LIMCH1: variants seen among roughly 807,000 people sequenced by gnomAD.
The protein encoded by LIMCH1 is LIM and calponin homology domains-containing protein 1.
LIMCH1 carries 113 observed loss-of-function variants against 176.5 expected under a neutral mutation model. That is an observed-to-expected ratio of 0.64 (90% CI 0.55 to 0.75). The LOEUF (loss-of-function observed/expected upper bound fraction) is 0.75. Ranked by LOEUF, LIMCH1 falls within the 30% of genes least tolerant of loss-of-function variation. The pLI is 0.00. For synonymous variants in LIMCH1, 619 were observed against 645.9 expected, an observed-to-expected ratio of 0.96 and a Z score of 0.63; for missense variants, 1,674 against 1,814.9, an observed-to-expected ratio of 0.92 and a Z score of 1.41.
chr4:41,396,291 A>G (rs1230927577), intron 1 of LIMCH1, among the ~76,000 whole-genome samples: 1 of 152,252 alleles, frequency 6.6e-6, no homozygotes, highest in Non-Finnish European at 1.5e-5. Context: ...TCAAAAATAA[A>G]CAGATATAAC....
At chr4:41,672,355 G>A (rs773085426) in intron 22 of LIMCH1, among the ~76,000 whole-genome samples, 1 of 152,134 alleles carries the variant, frequency 6.6e-6, no homozygotes, top group Non-Finnish European at 1.5e-5. Flanking sequence ...GGGTGACAGA[G>A]CGAGACTCCA....
intron 13 of LIMCH1, among the ~76,000 whole-genome samples, chr4:41,638,114 G>A (rs28609344): frequency 7.7e-5 from 7 of 91,436 alleles, no homozygotes; most frequent in African/African-American, 2.8e-4. Context: ...TGTTGTTGTT[G>A]TTGTTGTTGT....
At chr4:41,385,475 A>C (rs1012525596) in intron 1 of LIMCH1, among the ~76,000 whole-genome samples, 4 of 152,146 alleles carry the variant, frequency 2.6e-5, no homozygotes, top group African/African-American at 7.2e-5. Context: ...TTAAAAATGT[A>C]ATTTTGTGCA....
intron 10 of LIMCH1, among the ~76,000 whole-genome samples, 198 bp from the exon 11 acceptor site, chr4:41,632,551 G>C (rs1046365371): frequency 2.0e-5 from 3 of 152,168 alleles, no homozygotes; most frequent in African/African-American, 7.2e-5. Context: ...ACACAGCCTT[G>C]TTTGACCTTC....
intron 1 of LIMCH1, among the ~76,000 whole-genome samples, chr4:41,393,903 TGGAAC>T (rs2057528202): frequency 1.3e-5 from 2 of 152,308 alleles, no homozygotes; most frequent in Non-Finnish European, 2.9e-5. Context: ...ATGTATAAAA[TGGAAC>T]CCTTTCAATT....
chr4:41,363,250 A>G (rs2052426015), intron 1 of LIMCH1, among the ~76,000 whole-genome samples: 1 of 152,232 alleles, frequency 6.6e-6, no homozygotes, highest in East Asian at 1.9e-4. Flanking sequence ...ATACAGCAAT[A>G]ATGTAGTACT....
chr4:41,686,244 G>A (rs1219434026), intron 28 of LIMCH1, among the ~76,000 whole-genome samples: 1 of 152,102 alleles, frequency 6.6e-6, no homozygotes, highest in Non-Finnish European at 1.5e-5. Context: ...TTGTAAGAAA[G>A]TATTTTTGAC....
At chr4:41,676,578 A>G (rs1386121133) in intron 23 of LIMCH1, 116 bp downstream of exon 23, 2 of 772,718 alleles carry the variant, frequency 2.6e-6, no homozygotes, top group African/African-American at 3.5e-5. Context: ...CTCGGAAGTT[A>G]GTGAGTCTCA....
At chr4:41,430,409 A>T (rs1409083343) in intron 1 of LIMCH1, among the ~76,000 whole-genome samples, 1 of 152,108 alleles carries the variant, frequency 6.6e-6, no homozygotes, top group Admixed American at 6.6e-5. Flanking sequence ...GACTACAGGC[A>T]CGTGCCACTA....
At chr4:41,488,265 G>A (rs1427439584) in intron 1 of LIMCH1, among the ~76,000 whole-genome samples, 1 of 152,192 alleles carries the variant, frequency 6.6e-6, no homozygotes, top group African/African-American at 2.4e-5. Context: ...TAGTATTATA[G>A]AGAGGCTTAG....
intron 18 of LIMCH1, among the ~76,000 whole-genome samples, chr4:41,656,794 G>A (rs2094475837): frequency 6.6e-6 from 1 of 152,164 alleles, no homozygotes; most frequent in African/African-American, 2.4e-5. Context: ...GCTCGGGAAA[G>A]GACGTTGGAC....
Position 41,502,182 on chromosome 4 carries a change from T to G in LIMCH1, c.167+7576T>G, listed in dbSNP as rs568378605. On this transcript the variant is annotated intron_variant, in intron 2 of 26. Coordinates refer to the LIMCH1 transcript ENST00000313860. ...TGGTGTTTGGTTTTCTGTTCTTGAGTTAGTTTGTTGAGGATTATGGCTTCC... is the reference window on the plus strand; with the variant it reads ...TGGTGTTTGGTTTTCTGTTCTTGAGGTAGTTTGTTGAGGATTATGGCTTCC... Among the ~76,000 whole-genome samples the G allele has an allele frequency of 2.0e-5, 3 of 151,924 alleles. No homozygotes were observed. The East Asian group carries it at 5.8e-4, about 29-fold the overall frequency.
intron 1 of LIMCH1, among the ~76,000 whole-genome samples, chr4:41,549,330 T>C (rs1313198148): frequency 6.6e-6 from 1 of 152,180 alleles, no homozygotes; most frequent in African/African-American, 2.4e-5. Flanking sequence ...CCCAAAAAAG[T>C]AGATGCAACT....
intron 1 of LIMCH1, among the ~76,000 whole-genome samples, chr4:41,583,368 A>G (rs987152754): frequency 1.4e-4 from 21 of 152,210 alleles, no homozygotes; most frequent in African/African-American, 5.1e-4. Flanking sequence ...CCTTTTTCTC[A>G]GATATCTTGT....
rs1190568684 is a variant in LIMCH1, at chr4:41,632,861, G to C, written c.1714G>C (p.Glu572Gln). Residue 572 changes from glutamate to glutamine, a missense_variant, in exon 11 of 32, where the codon GAG becomes CAG. Around this residue, in one of 3 missense-constraint regions of LIMCH1, gnomAD observed 1,015 missense variants for 1,102.5 expected, o/e 0.92. Transcript: ENST00000503057. ...TTTGGGCGAGTGCCCGAGGGGGACA[G>C]AGGAAGGTGAGGAGCAGTGTTTCCT... is the stretch of plus-strand genomic sequence containing the variant. ...CSLGECPRGT[E>Q]EVTSKQLPQD... 1 of 1,535,876 alleles carries C rather than the reference G, an allele frequency of 6.5e-7. No homozygotes were observed. Among genetic ancestry groups the C allele is most frequent in the Non-Finnish European group, 8.7e-7 (1 of 1,146,690 alleles).
rs1487065985 is a variant in LIMCH1 at position 41,632,778 on chromosome 4, GC to G, written c.1632del (p.Cys544Ter). The G allele has an allele frequency of 2.6e-6, 4 of 1,536,282 alleles. No individual in the cohort carries two copies. The Admixed American group carries it at 7.8e-5, about 30-fold the overall frequency. On this transcript the variant is annotated frameshift_variant, in exon 11 of 32. Coordinates refer to ENST00000503057, the MANE Select transcript of LIMCH1 (RefSeq NM_001330672.2). LOFTEE classifies it high-confidence loss of function. ...RTMNCGRGDY[C>X]RRASWLAPVP... ...ATGAATTGTGGCCGAGGTGACTATT[GC>G]AGAAGGGCCTCGTGGCTGGCTCCTG... is the stretch of plus-strand genomic sequence containing the variant.
chr4:41,641,634 T>C (rs1306305129), intron 14 of LIMCH1, among the ~76,000 whole-genome samples: 1 of 152,256 alleles, frequency 6.6e-6, no homozygotes, highest in East Asian at 1.9e-4. Context: ...AATTCATTTA[T>C]GTTCCATATA....
Position 41,360,838 on chromosome 4 carries a change from C to T in LIMCH1, c.-3C>T. ...GCGCTTGAGAGGACGCGGGGCTGCG[C>T]AAATGGCTTGTCCCGCTCTCGGTCT... On this transcript the variant is annotated 5_prime_UTR_variant, in exon 1 of 27. Coordinates refer to the LIMCH1 transcript ENST00000313860. This position sits in a 1 kb window ranked among gnomAD's most constrained non-coding sequence, Gnocchi z 4.5. The T allele has an allele frequency of 6.4e-7, 1 of 1,553,514 alleles. No homozygotes were observed. The highest frequency in any genetic ancestry group is 8.7e-7 in the Non-Finnish European group (1 of 1,151,600).
intron 1 of LIMCH1, among the ~76,000 whole-genome samples, chr4:41,361,560 G>C (rs1444122125): frequency 2.0e-5 from 3 of 152,176 alleles, no homozygotes; most frequent in South Asian, 2.1e-4. Flanking sequence ...CCCAGCCTTT[G>C]GCAACCCCCG....
Sources: allele counts gnomAD v4.1 joint callset (sites outside exome capture counted in the v4.1 genomes callset), GRCh38; gene constraint gnomAD v4.1.1; regional missense constraint gnomAD v4.1.1; non-coding constraint Gnocchi (gnomAD v3.1); transcripts MANE v1.5; gene names NCBI Gene and HGNC (gene_info 2026-07-23, HGNC 2026-07-21).